Variants in CDH19 observed in about 807,000 individuals in gnomAD.
The protein encoded by CDH19 is cadherin-19.
In CDH19, 67 loss-of-function variants were observed where a neutral mutation model predicts 64.2. The ratio of observed to expected loss-of-function variants is 1.04; its 90% CI spans 0.86 to 1.28. The LOEUF is 1.28. Among genes scored for constraint, CDH19 ranks in the 50% most tolerant of loss-of-function variants. The pLI, the probability that CDH19 is intolerant of heterozygous loss-of-function variation, is 0.00. For synonymous variants in CDH19, 346 were observed against 319.3 expected, an observed-to-expected ratio of 1.08 and a Z score of -0.89; for missense variants, 1,030 against 929.0, an observed-to-expected ratio of 1.11 and a Z score of -1.41.
intron 3 of CDH19, among the ~76,000 whole-genome samples, chr18:66,556,035 A>C (rs1987506207): frequency 1.3e-5 from 2 of 151,726 alleles, no homozygotes; most frequent in Non-Finnish European, 3.0e-5. Context: ...GAGAACCAAG[A>C]AGTCCAGAAA....
chr18:66,555,199 T>G (rs1301681021), intron 3 of CDH19, among the ~76,000 whole-genome samples: 5 of 151,892 alleles, frequency 3.3e-5, no homozygotes, highest in African/African-American at 1.2e-4. Context: ...TTTTAAAATA[T>G]TTATTCAAAA....
At chr18:66,599,000 GTATAA>G (rs1245379151) in intron 1 of CDH19, among the ~76,000 whole-genome samples, 1 of 151,978 alleles carries the variant, frequency 6.6e-6, no homozygotes, top group Non-Finnish European at 1.5e-5. Flanking sequence ...GTTTCAAATT[GTATAA>G]TATAAAATTG....
In CDH19 at chr18:66,592,794, A is replaced by G. The variant is rs950063597; in HGVS notation, c.-113+11160T>C. ...TATTTATTCTTTTATTTCTTGATGG[A>G]CACTTAGTTTTCTTCCATATATTGG... On this transcript the variant is annotated intron_variant, in intron 1 of 11. Transcript: ENST00000262150. Among the ~76,000 whole-genome samples the G allele has an allele frequency of 2.6e-5, 4 of 151,822 alleles. No individual in the cohort carries two copies. In the South Asian group the frequency reaches 8.3e-4, roughly 31 times the overall value.
chr18:66,524,569 TAAAC>T (rs1986145667), intron 9 of CDH19, among the ~76,000 whole-genome samples: 1 of 135,154 alleles, frequency 7.4e-6, no homozygotes, highest in African/African-American at 2.6e-5. Flanking sequence ...TATATATATA[TAAAC>T]ATCATCATGC....
chr18:66,515,428 ATAC>A (rs1403550223), intron 9 of CDH19, among the ~76,000 whole-genome samples: 1 of 151,846 alleles, frequency 6.6e-6, no homozygotes, highest in African/African-American at 2.4e-5. Flanking sequence ...GTACAAAATA[ATAC>A]ACTAATAGAA....
At chr18:66,511,793 G>A in intron 9 of CDH19, 108 bp from the exon 10 acceptor site, 1 of 667,140 alleles carries the variant, frequency 1.5e-6, no homozygotes, top group Non-Finnish European at 2.7e-6. Context: ...CAATCAATAG[G>A]GACATTGCAG....
chr18:66,522,442 G>A (rs517369), intron 9 of CDH19, among the ~76,000 whole-genome samples: 34,864 of 151,688 alleles, frequency 0.23, 4,388 homozygotes, highest in East Asian at 0.46. Flanking sequence ...TAGAGACGGG[G>A]GTGCGCCATG....
chr18:66,505,351 T>C, intron 11 of CDH19, 49 bp from the exon 12 acceptor site: 1 of 1,392,718 alleles, frequency 7.2e-7, no homozygotes, highest in Non-Finnish European at 9.6e-7. Flanking sequence ...AAGAGTATTA[T>C]AAACATTACA....
chr18:66,521,298 C>G (rs1985970827), intron 9 of CDH19, among the ~76,000 whole-genome samples: 1 of 152,052 alleles, frequency 6.6e-6, no homozygotes, highest in Non-Finnish European at 1.5e-5. Context: ...AAATATGTCA[C>G]CTGTAATGGA....
At chr18:66,539,706 A>G (rs1986813677) in intron 7 of CDH19, among the ~76,000 whole-genome samples, 1 of 152,036 alleles carries the variant, frequency 6.6e-6, no homozygotes, top group Non-Finnish European at 1.5e-5. Context: ...TATGAGGGAT[A>G]TTGATCTGTA....
intron 1 of CDH19, among the ~76,000 whole-genome samples, chr18:66,590,467 G>C (rs953123706): frequency 6.6e-6 from 1 of 151,242 alleles, no homozygotes; most frequent in Non-Finnish European, 1.5e-5. Flanking sequence ...GCTTTCTTTA[G>C]AGCTGGTACC....
At chr18:66,596,293 C>T (rs1488742799) in intron 1 of CDH19, 1 of 152,110 alleles carries the variant, frequency 6.6e-6, no homozygotes, top group African/African-American at 2.4e-5. Flanking sequence ...TTTAATATAG[C>T]TGTGGAAGTC....
At chr18:66,593,625 A>C (rs2144633112) in intron 1 of CDH19, among the ~76,000 whole-genome samples, 1 of 152,208 alleles carries the variant, frequency 6.6e-6, no homozygotes, top group Middle Eastern at 3.4e-3. Context: ...AAAAATATAT[A>C]TATTTTCTAA....
Position 66,588,608 on chromosome 18 carries a change from A to ATATATC in CDH19, c.-113+15340_-113+15345dup, listed in dbSNP as rs553829028. ...GATCTTACTCATTTTTACTAATCAT[A>ATATATC]TATATCTATATCTATATCTATATAT... On this transcript the variant is annotated intron_variant, in intron 1 of 11. Coordinates refer to ENST00000262150, the MANE Select transcript of CDH19 (RefSeq NM_021153.4). 2.5e-4 allele frequency among the ~76,000 whole-genome samples: 33 copies of ATATATC among 133,410 alleles called. 3 individuals carry two copies. Among genetic ancestry groups the ATATATC allele is most frequent in the African/African-American group, 2.8e-4 (11 of 39,212 alleles). The allele number at this position is 133,410 out of a possible 152,430, so 87.5% of individuals were successfully genotyped here. A position where few individuals can be genotyped will look rare whatever the true frequency, so the allele number is the denominator to read the frequency against.
At chr18:66,508,648 T>A (rs1044522748) in intron 11 of CDH19, among the ~76,000 whole-genome samples, 1 of 151,978 alleles carries the variant, frequency 6.6e-6, no homozygotes, top group African/African-American at 2.4e-5. Context: ...TCCTGGAGTA[T>A]AATAAGCACT....
At position 66,580,351 on chromosome 18, in the gene CDH19, T is replaced by C. The variant is rs552585896; in HGVS notation, c.-112-8035A>G. ...TTTCCACTGGGAAGCAAGTATAAAT[T>C]GGATTAATTGAAAAAAGAATGTTTA... On this transcript the variant is annotated intron_variant, in intron 1 of 11. Transcript: ENST00000262150. 2.6e-5 allele frequency among the ~76,000 whole-genome samples: 4 copies of C among 152,148 alleles called. No homozygotes were observed. In the South Asian group the frequency reaches 6.2e-4, roughly 24 times the overall value.
intron 8 of CDH19, among the ~76,000 whole-genome samples, chr18:66,533,648 A>G (rs1986542956): frequency 6.6e-6 from 1 of 152,060 alleles, no homozygotes; most frequent in Non-Finnish European, 1.5e-5. Context: ...TCACTTAGCT[A>G]GCATACTGAT....
chr18:66,546,907 C>G lies in CDH19; in HGVS notation c.776-2004G>C, dbSNP rs551705757. Among the ~76,000 whole-genome samples the G allele has an allele frequency of 7.2e-5, 11 of 152,152 alleles. No individual in the cohort carries two copies. The South Asian group carries it at 1.4e-3, about 20-fold the overall frequency. ...CAGGCAGATAGAAACACTAAGATTT[C>G]AAGAGGTAATGAGACAGGACTGGAC... On this transcript the variant is annotated intron_variant, in intron 5 of 11. Coordinates refer to ENST00000262150, the MANE Select transcript of CDH19 (RefSeq NM_021153.4).
chr18:66,602,181 A>G (rs1989053269), intron 1 of CDH19, among the ~76,000 whole-genome samples: 1 of 152,016 alleles, frequency 6.6e-6, no homozygotes, highest in African/African-American at 2.4e-5. Flanking sequence ...CCTTTTAAAC[A>G]GTTTAACACA....
Sources: gnomAD v4.1 joint callset for allele counts (sites outside exome capture counted in the v4.1 genomes callset) on GRCh38, gnomAD v4.1.1 for gene constraint, MANE v1.5 for transcripts, NCBI Gene and HGNC (gene_info 2026-07-23, HGNC 2026-07-21) for gene names.